Variants in DIP2A observed in about 807,000 individuals in gnomAD.
DIP2A encodes DIP2 acetate--CoA ligase A.
A neutral mutation model predicts 177.4 loss-of-function variants in DIP2A; 85 were observed. The ratio of observed to expected loss-of-function variants is 0.48; its 90% CI spans 0.40 to 0.57. The LOEUF (loss-of-function observed/expected upper bound fraction) is 0.57. Among genes scored for constraint, DIP2A ranks in the 20% least tolerant of loss-of-function variants. The pLI is 0.00. For missense variants in DIP2A, 1,791 were observed against 2,100.2 expected, an observed-to-expected ratio of 0.85 and a Z score of 2.88; for synonymous variants, 886 against 881.8, an observed-to-expected ratio of 1.00 and a Z score of -0.08.
chr21:46,495,777 A>T (rs1445773637), intron 3 of DIP2A, among the ~76,000 whole-genome samples: 3 of 151,850 alleles, frequency 2.0e-5, no homozygotes, highest in Non-Finnish European at 4.4e-5. Flanking sequence ...CTGCCTAATT[A>T]AACAAAAAAA....
At position 46,550,570 on chromosome 21, in the gene DIP2A, G is replaced by A. The variant is rs751707379; in HGVS notation, c.2665G>A (p.Val889Met). Residue 889 changes from valine (V) to methionine (M), a missense_variant, in exon 23 of 38, where the codon GTG becomes ATG. Transcript: ENST00000417564. Reference sequence around the variant, plus strand: ...CATTGATAGCATCCACCAGGTGGGCGTGTACTGTCTGGCCCTGGTTCCTGC... The same window carrying A: ...CATTGATAGCATCCACCAGGTGGGCATGTACTGTCTGGCCCTGGTTCCTGC... ...QAIDSIHQVG[V>M]YCLALVPANT... is the part of the protein sequence containing the mutation. The A allele has an allele frequency of 2.5e-5, 41 of 1,613,366 alleles. No homozygotes were observed. Among genetic ancestry groups the A allele is most frequent in the East Asian group, 1.8e-4 (8 of 44,886 alleles).
At chr21:46,555,614 A>G (rs1157770578) in intron 28 of DIP2A, 2 of 257,802 alleles carry the variant, frequency 7.8e-6, no homozygotes, top group South Asian at 4.1e-5. Context: ...GTCCACAGCT[A>G]TTCTTGCTGT....
chr21:46,509,376 G>A lies in DIP2A; in HGVS notation c.904G>A (p.Val302Ile). 2 of 1,602,616 alleles carry A rather than the reference G, an allele frequency of 1.2e-6. No individual in the cohort carries two copies. Among genetic ancestry groups the A allele is most frequent in the Non-Finnish European group, 1.7e-6 (2 of 1,176,136 alleles). ...GGATGATTTTGAGGAATTGTTGGAA[G>A]GTAAGAGTTGTCCAACTTTGAGCTT... ...FVDDFEELLE[V>I]QQPDPNQPKP... Residue 302 changes from valine to isoleucine, a missense_variant and splice_region_variant, in exon 7 of 38, where the codon GTT (valine) becomes ATT (isoleucine). Val to Ile is a conservative substitution (Grantham distance 29, BLOSUM62 3). Coordinates refer to ENST00000417564, the MANE Select transcript of DIP2A (RefSeq NM_015151.4).
At chr21:46,472,062 T>C (rs887242426) in intron 1 of DIP2A, among the ~76,000 whole-genome samples, 3 of 152,212 alleles carry the variant, frequency 2.0e-5, no homozygotes, top group Non-Finnish European at 4.4e-5. Flanking sequence ...CAATGGATTA[T>C]ATTTGAAGAC....
intron 8 of DIP2A, among the ~76,000 whole-genome samples, chr21:46,527,376 A>T (rs2059145603): frequency 7.7e-6 from 1 of 129,476 alleles, no homozygotes. Context: ...CCCAGGCTAG[A>T]GGACAGTGGC....
intron 15 of DIP2A, among the ~76,000 whole-genome samples, 160 bp from the exon 16 acceptor site, chr21:46,538,323 A>G (rs1349933238): frequency 6.6e-6 from 1 of 152,188 alleles, no homozygotes; most frequent in Non-Finnish European, 1.5e-5. Flanking sequence ...GTTAGACTGC[A>G]TGTGAGAGAC....
At position 46,546,050 on chromosome 21, in the gene DIP2A, C is replaced by A. The variant is rs746938104; in HGVS notation, c.2394+89C>A. ...ACCTCGTTGCAGCCCCACCCTTGTCCTGGCCGTTCCTGACCTCCCATGTGG... is the reference window on the plus strand; with the variant it reads ...ACCTCGTTGCAGCCCCACCCTTGTCATGGCCGTTCCTGACCTCCCATGTGG... On this transcript the variant is annotated intron_variant, in intron 20 of 37. Coordinates refer to ENST00000417564, the MANE Select transcript of DIP2A (RefSeq NM_015151.4). 24 of 1,593,582 alleles carry A rather than the reference C, an allele frequency of 1.5e-5. 2 individuals are homozygous for A. The South Asian group carries it at 2.3e-4, about 16-fold the overall frequency.
At chr21:46,523,832 A>G (rs1364277281) in intron 8 of DIP2A, among the ~76,000 whole-genome samples, 3 of 152,198 alleles carry the variant, frequency 2.0e-5, no homozygotes, top group Non-Finnish European at 4.4e-5. Flanking sequence ...TTACAAGTCA[A>G]CTCCCAAGGA....
In DIP2A at chr21:46,498,053, C is replaced by T. The variant is rs2057449347; in HGVS notation, c.404-529C>T. On this transcript the variant is annotated intron_variant, in intron 4 of 37. Transcript: ENST00000417564. This position sits in a 1 kb window ranked among gnomAD's most constrained non-coding sequence, Gnocchi z 4.3. ...AGGAATTGTTTTTAGGGCTAGTTCA[C>T]ATGACTCCCCTGAAAGGATGCATGT... Among the ~76,000 whole-genome samples the T allele has an allele frequency of 6.6e-6, 1 of 152,224 alleles. No homozygotes were observed. The highest frequency in any genetic ancestry group is 2.4e-5 in the African/African-American group (1 of 41,456).
At chr21:46,559,319 A>G (rs918308027) in intron 32 of DIP2A, among the ~76,000 whole-genome samples, 1 of 152,246 alleles carries the variant, frequency 6.6e-6, no homozygotes, top group African/African-American at 2.4e-5. Context: ...ATAGTACAAG[A>G]ATAGCTGGAA....
chr21:46,549,653 T>C (rs1264059514), intron 21 of DIP2A, 118 bp from the exon 22 acceptor site: 2 of 1,518,680 alleles, frequency 1.3e-6, no homozygotes, highest in African/African-American at 1.4e-5. Flanking sequence ...GTAGCCCCAT[T>C]TGATAGACTG....
intron 3 of DIP2A, among the ~76,000 whole-genome samples, chr21:46,496,588 A>G (rs961874162): frequency 6.6e-6 from 1 of 152,226 alleles, no homozygotes; most frequent in African/African-American, 2.4e-5. Context: ...ATTGCAAAAA[A>G]ATCTCATAAT....
At chr21:46,539,481 A>C in intron 16 of DIP2A, 2 of 319,082 alleles carry the variant, frequency 6.3e-6, no homozygotes, top group South Asian at 5.2e-5. Flanking sequence ...TCTCCACCCC[A>C]GGCGCACCGC....
chr21:46,472,231 G>A (rs2148332889), intron 1 of DIP2A, among the ~76,000 whole-genome samples: 1 of 152,318 alleles, frequency 6.6e-6, no homozygotes, highest in African/African-American at 2.4e-5. Context: ...GCCAAGGAGA[G>A]AGGCTTCACC....
At chr21:46,553,200 T>G (rs943174363) in intron 25 of DIP2A, 5 of 152,232 alleles carry the variant, frequency 3.3e-5, no homozygotes, top group African/African-American at 1.2e-4. Context: ...CTTCCGGGAT[T>G]TGGAATCTCA....
Position 46,484,844 on chromosome 21 carries a change from T to A in DIP2A, c.163+16T>A. ...CTTATTCAAGGTAAGGTCAATACAC[T>A]CAGGTGTTACATAGCAATTATATTG... On this transcript the variant is annotated intron_variant, in intron 2 of 37. Coordinates refer to ENST00000417564, the MANE Select transcript of DIP2A (RefSeq NM_015151.4). 2 of 1,552,822 alleles carry A rather than the reference T, an allele frequency of 1.3e-6. No homozygotes were observed. Among genetic ancestry groups the A allele is most frequent in the Non-Finnish European group, 1.7e-6 (2 of 1,151,728 alleles).
the DIP2A span, among the ~76,000 whole-genome samples, chr21:46,579,485 C>G: frequency 6.6e-6 from 1 of 151,808 alleles, no homozygotes; most frequent in African/African-American, 2.4e-5. Context: ...TATTTCTTGT[C>G]TTCTGCTAGC....
chr21:46,509,483 T>A, intron 7 of DIP2A, 107 bp downstream of exon 7: 2 of 1,342,966 alleles, frequency 1.5e-6, no homozygotes, highest in African/African-American at 2.9e-5. Flanking sequence ...CTATATATAT[T>A]CTGTTTCCAG....
chr21:46,549,183 G>A (rs1009872717), intron 21 of DIP2A, among the ~76,000 whole-genome samples: 4 of 152,024 alleles, frequency 2.6e-5, no homozygotes, highest in African/African-American at 9.7e-5. Flanking sequence ...GACAAGAGAC[G>A]GTATATCCAT....
Sources: gnomAD v4.1 joint callset for allele counts (sites outside exome capture counted in the v4.1 genomes callset) on GRCh38, gnomAD v4.1.1 for gene constraint, Gnocchi (gnomAD v3.1) non-coding constraint, MANE v1.5 for transcripts, NCBI Gene and HGNC (gene_info 2026-07-23, HGNC 2026-07-21) for gene names.